IL1RAPL1: variants seen among roughly 807,000 people sequenced by gnomAD.
IL1RAPL1 encodes interleukin-1 receptor accessory protein-like 1.
In IL1RAPL1, 3 loss-of-function variants were observed where a neutral mutation model predicts 48.4. The observed-to-expected ratio is 0.06, with a 90% CI of 0.03 to 0.16. The LOEUF is 0.16. IL1RAPL1 is among the 10% of genes least tolerant of loss of function. IL1RAPL1 has a pLI of 1.00. For missense variants in IL1RAPL1, 349 were observed against 530.6 expected, an observed-to-expected ratio of 0.66 and a Z score of 3.36; for synonymous variants, 185 against 187.7, an observed-to-expected ratio of 0.99 and a Z score of 0.12.
chrX:29,478,962 T>C lies in IL1RAPL1; in HGVS notation c.703+79654T>C, dbSNP rs754859756. 3.6e-5 allele frequency among the ~76,000 whole-genome samples: 4 copies of C among 111,255 alleles called. No homozygotes were observed. The East Asian group carries it at 1.1e-3, about 31-fold the overall frequency. ...CTACTTAATATTTTATATATTAAAT[T>C]GTTAATTTGTTTATTCTCTTCTTAC... On this transcript the variant is annotated intron_variant, in intron 5 of 10. Transcript: ENST00000378993.
In IL1RAPL1 at chrX:28,790,482, C is replaced by T. The variant is rs1055324974; in HGVS notation, c.82+1057C>T. Among the ~76,000 whole-genome samples the T allele has an allele frequency of 6.2e-5, 7 of 112,661 alleles. 1 individual carries two copies. Among genetic ancestry groups the T allele is most frequent in the South Asian group, 7.2e-4 (2 of 2,763 alleles). On this transcript the variant is annotated intron_variant, in intron 2 of 10. Transcript: ENST00000378993. ...GGGAAATAGGGAGCAGCTCTGCTCTCGTGAGCCCCTCCTGGGGATAAAGTC... is the reference window on the plus strand; with the variant it reads ...GGGAAATAGGGAGCAGCTCTGCTCTTGTGAGCCCCTCCTGGGGATAAAGTC...
At chrX:28,669,566 G>A (rs905700288) in intron 1 of IL1RAPL1, among the ~76,000 whole-genome samples, 4 of 107,029 alleles carry the variant, frequency 3.7e-5, no homozygotes, top group Non-Finnish European at 7.7e-5. Context: ...TGCAGTGAAC[G>A]GAGATTGCAC....
chrX:29,218,377 T>C (rs985582422), intron 2 of IL1RAPL1, among the ~76,000 whole-genome samples: 3 of 111,637 alleles, frequency 2.7e-5, no homozygotes, highest in Non-Finnish European at 5.7e-5. Flanking sequence ...TATTTCCTCA[T>C]ATCTCCTAGG....
intron 2 of IL1RAPL1, among the ~76,000 whole-genome samples, chrX:29,072,806 C>T (rs929451597): frequency 2.7e-5 from 3 of 111,996 alleles, no homozygotes; most frequent in Non-Finnish European, 5.6e-5. Context: ...CATCTTTCTC[C>T]TGGTACAGGC....
chrX:29,803,633 GTA>G (rs1195777466), intron 6 of IL1RAPL1, among the ~76,000 whole-genome samples: 1 of 102,247 alleles, frequency 9.8e-6, no homozygotes, highest in Non-Finnish European at 2.0e-5. Context: ...GTATATATGT[GTA>G]TATATATACA....
rs202123720 is a variant in IL1RAPL1 at position 29,633,496 on chromosome X, CACACACAT to C, written c.704-34932_704-34925del. Among the ~76,000 whole-genome samples the C allele has an allele frequency of 8.0e-3, 871 of 109,555 alleles. 6 individuals are homozygous for C. The highest frequency in any genetic ancestry group is 0.027 in the African/African-American group (801 of 29,885). ...ACACACACACACACACACACACACA[CACACACAT>C]ATATATGATAGATTGAACTCAAATA... On this transcript the variant is annotated intron_variant, in intron 5 of 10. Transcript: ENST00000378993.
chrX:28,672,563 C>CAGGG (rs1934958219), intron 1 of IL1RAPL1, among the ~76,000 whole-genome samples: 1 of 111,011 alleles, frequency 9.0e-6, no homozygotes, highest in Admixed American at 9.6e-5. Context: ...CTTCCTGGAT[C>CAGGG]AGGGCCCTGG....
intron 1 of IL1RAPL1, among the ~76,000 whole-genome samples, chrX:28,755,920 T>A (rs1936099881): frequency 9.0e-6 from 1 of 111,649 alleles, no homozygotes; most frequent in Non-Finnish European, 1.9e-5. Context: ...AATTTGCACT[T>A]CTGTTATTGC....
chrX:29,605,982 C>T (rs771187490), intron 5 of IL1RAPL1, among the ~76,000 whole-genome samples: 14 of 111,731 alleles, frequency 1.3e-4, no homozygotes, highest in Non-Finnish European at 2.1e-4. Flanking sequence ...ACACTGTTTT[C>T]GAAGTGTTTT....
intron 1 of IL1RAPL1, among the ~76,000 whole-genome samples, chrX:28,779,632 GTGTA>G (rs1485071614): frequency 2.0e-4 from 11 of 54,651 alleles, no homozygotes; most frequent in South Asian, 1.1e-3. Flanking sequence ...GTGTGTGTGT[GTGTA>G]TATATATATA....
At chrX:29,627,161 C>T (rs1281391910) in intron 5 of IL1RAPL1, among the ~76,000 whole-genome samples, 3 of 111,714 alleles carry the variant, frequency 2.7e-5, no homozygotes, top group Non-Finnish European at 5.6e-5. Context: ...ATGTATTAAC[C>T]AAATAATTAC....
chrX:29,133,054 A>G (rs1395207647), intron 2 of IL1RAPL1, among the ~76,000 whole-genome samples: 1 of 111,219 alleles, frequency 9.0e-6, no homozygotes, highest in East Asian at 2.8e-4. Flanking sequence ...TAATTTTTCA[A>G]AAGGACTTAG....
At chrX:29,248,192 G>C (rs1931549702) in intron 2 of IL1RAPL1, among the ~76,000 whole-genome samples, 1 of 111,689 alleles carries the variant, frequency 9.0e-6, no homozygotes. Flanking sequence ...GAAGCAGACG[G>C]GTCGCTTGAG....
At chrX:29,553,782 G>C (rs1921899967) in intron 5 of IL1RAPL1, among the ~76,000 whole-genome samples, 1 of 111,225 alleles carries the variant, frequency 9.0e-6, no homozygotes, top group Admixed American at 9.6e-5. Flanking sequence ...GAGAACAGGA[G>C]GGGTGGGGTT....
intron 2 of IL1RAPL1, among the ~76,000 whole-genome samples, chrX:28,952,147 CAGAA>C (rs1924486120): frequency 9.0e-6 from 1 of 111,010 alleles, no homozygotes; most frequent in South Asian, 3.7e-4. Context: ...TCTATAAAAA[CAGAA>C]AGCATTAATT....
At chrX:28,850,603 T>A (rs1394596548) in intron 2 of IL1RAPL1, among the ~76,000 whole-genome samples, 1 of 111,257 alleles carries the variant, frequency 9.0e-6, no homozygotes, top group East Asian at 2.9e-4. Context: ...TGGCCTCCTC[T>A]GGCTTCCTCC....
intron 1 of IL1RAPL1, among the ~76,000 whole-genome samples, chrX:28,591,522 G>A (rs966400410): frequency 3.6e-5 from 4 of 112,131 alleles, no homozygotes; most frequent in Non-Finnish European, 7.5e-5. Context: ...ATAATTTGTA[G>A]CAACAAAACA....
intron 1 of IL1RAPL1, among the ~76,000 whole-genome samples, chrX:28,697,056 T>A (rs2146928101): frequency 8.9e-6 from 1 of 111,899 alleles, no homozygotes; most frequent in East Asian, 2.8e-4. Context: ...TTTTTACAAG[T>A]ATATGCGGAC....
chrX:28,996,626 G>A (rs1213605848), intron 2 of IL1RAPL1, among the ~76,000 whole-genome samples: 1 of 111,294 alleles, frequency 9.0e-6, no homozygotes, highest in Non-Finnish European at 1.9e-5. Context: ...TATTTTGTGT[G>A]TGTGTGTGTG....
Sources: gnomAD v4.1 joint callset for allele counts (sites outside exome capture counted in the v4.1 genomes callset) on GRCh38, gnomAD v4.1.1 for gene constraint, MANE v1.5 for transcripts, NCBI Gene and HGNC (gene_info 2026-07-23, HGNC 2026-07-21) for gene names.